Variants in TCERG1L observed in about 807,000 individuals in gnomAD.
The protein encoded by TCERG1L is transcription elongation regulator 1-like protein.
A neutral mutation model predicts 56.3 loss-of-function variants in TCERG1L; 37 were observed. That is an observed-to-expected ratio of 0.66 (90% CI 0.51 to 0.87). The LOEUF is 0.87. Ranked by LOEUF, TCERG1L falls within the 40% of genes least tolerant of loss-of-function variation. The probability of loss-of-function intolerance (pLI) is 0.00; values close to 1 mark genes in which losing one functional copy is unlikely to be tolerated. For missense variants in TCERG1L, 799 were observed against 774.2 expected (o/e 1.03, Z -0.38); for synonymous variants, 324 against 326.3 (o/e 0.99, Z 0.08).
intron 4 of TCERG1L, among the ~76,000 whole-genome samples, chr10:131,199,295 A>C (rs539060938): frequency 1.3e-5 from 2 of 152,306 alleles, no homozygotes; most frequent in African/African-American, 4.8e-5. Flanking sequence ...AGGATGTTCC[A>C]ACTTTAAGCT....
chr10:131,166,867 C>T lies in TCERG1L; in HGVS notation c.875G>A (p.Gly292Asp), dbSNP rs1248446362. Residue 292 changes from glycine to aspartate, a missense_variant, in exon 5 of 12, where the codon GGC (glycine) becomes GAC (aspartate). Gly to Asp is a moderately conservative substitution (Grantham distance 94, BLOSUM62 -1). Coordinates refer to ENST00000368642, the MANE Select transcript of TCERG1L (RefSeq NM_174937.4). Reference sequence around the variant, plus strand: ...CAGGGCAGGAGGGCGGGCCACTCGGCCCCGCTCTGTCCTTGTATCTGTTGG... The same window carrying T: ...CAGGGCAGGAGGGCGGGCCACTCGGTCCCGCTCTGTCCTTGTATCTGTTGG... ...SPVSDTRTER[G>D]RVARPPALML... The T allele has an allele frequency of 2.5e-6, 4 of 1,612,718 alleles. No individual in the cohort carries two copies. The highest frequency in any genetic ancestry group is 2.2e-5 in the South Asian group (2 of 91,046).
rs1589726531 is a variant in TCERG1L at position 131,141,208 on chromosome 10, G to A, written c.1189+5298C>T. Among the ~76,000 whole-genome samples the A allele has an allele frequency of 2.0e-5, 3 of 152,274 alleles. 1 individual carries two copies. In the South Asian group the frequency reaches 6.2e-4, roughly 32 times the overall value. ...CACTTGGAAATGCCACACCACGGGT[G>A]CTGTGATCTCTGCAGGGCTTCCCCG... On this transcript the variant is annotated intron_variant, in intron 7 of 11. Transcript: ENST00000368642.
At chr10:131,219,430 G>A (rs1033268465) in intron 4 of TCERG1L, among the ~76,000 whole-genome samples, 8 of 152,226 alleles carry the variant, frequency 5.3e-5, no homozygotes, top group African/African-American at 1.9e-4. Context: ...CCCAGGCCAG[G>A]AGCAGGCTCT....
intron 3 of TCERG1L, among the ~76,000 whole-genome samples, chr10:131,298,998 T>C (rs1007705539): frequency 6.6e-5 from 10 of 152,334 alleles, no homozygotes; most frequent in African/African-American, 2.4e-4. Flanking sequence ...GTTTCTGTGT[T>C]TTCAATTGTG....
chr10:131,227,557 T>C (rs2133504864), intron 4 of TCERG1L, among the ~76,000 whole-genome samples: 1 of 152,246 alleles, frequency 6.6e-6, no homozygotes, highest in South Asian at 2.1e-4. Flanking sequence ...CCCACTCAGA[T>C]CCCGGAAAGG....
chr10:131,112,643 G>C lies in TCERG1L; in HGVS notation c.1395+4156C>G, dbSNP rs755079471. Among the ~76,000 whole-genome samples, 18 of 142,046 alleles carry C rather than the reference G, an allele frequency of 1.3e-4. 5 individuals carry two copies. Among genetic ancestry groups the C allele is most frequent in the Admixed American group, 6.2e-4 (9 of 14,406 alleles). 93.2% of individuals were successfully genotyped at this position (142,046 alleles called of 152,430 possible). A position where few individuals can be genotyped will look rare whatever the true frequency, so the allele number is the denominator to read the frequency against. Reference sequence around the variant, plus strand: ...CGCGGCAGCCCAGGGTGGAATGACCGGGCTTCCACCTCATCCTTGAAGATG... The same window carrying C: ...CGCGGCAGCCCAGGGTGGAATGACCCGGCTTCCACCTCATCCTTGAAGATG... On this transcript the variant is annotated intron_variant, in intron 9 of 11. Coordinates refer to ENST00000368642, the MANE Select transcript of TCERG1L (RefSeq NM_174937.4).
chr10:131,176,823 C>CAAAG (rs1846159581), intron 4 of TCERG1L, among the ~76,000 whole-genome samples: 1 of 3,260 alleles, frequency 3.1e-4, no homozygotes, highest in Non-Finnish European at 6.9e-4. Flanking sequence ...CATGCACACA[C>CAAAG]AGACACGTGT....
rs889554372 is a variant in TCERG1L at position 131,267,175 on chromosome 10, C to T, written c.671-6731G>A. 5.3e-5 allele frequency among the ~76,000 whole-genome samples: 8 copies of T among 152,180 alleles called. No homozygotes were observed. The highest frequency in any genetic ancestry group is 7.2e-5 in the African/African-American group (3 of 41,446). ...GCCAGTGCTGAGTTGCCACCAGCCCCGTCTCAGCCTCCCACCTGCGCTCAT... is the reference window on the plus strand; with the variant it reads ...GCCAGTGCTGAGTTGCCACCAGCCCTGTCTCAGCCTCCCACCTGCGCTCAT... On this transcript the variant is annotated intron_variant, in intron 3 of 11. Coordinates refer to ENST00000368642, the MANE Select transcript of TCERG1L (RefSeq NM_174937.4). This position sits in a 1 kb window ranked among gnomAD's most constrained non-coding sequence, Gnocchi z 4.9.
chr10:131,278,532 A>G lies in TCERG1L; in HGVS notation c.671-18088T>C, dbSNP rs140323024. ...TTTTTTTTGTATTGTTAGTAGAGACAGGGTTTCACCATGTTGGGCAGCTTG... is the reference window on the plus strand; with the variant it reads ...TTTTTTTTGTATTGTTAGTAGAGACGGGGTTTCACCATGTTGGGCAGCTTG... On this transcript the variant is annotated intron_variant, in intron 3 of 11. Transcript: ENST00000368642. Among the ~76,000 whole-genome samples, 464 of 151,204 alleles carry G rather than the reference A, an allele frequency of 3.1e-3. 1 individual carries two copies. The highest frequency in any genetic ancestry group is 0.01 in the African/African-American group (430 of 41,110).
At chr10:131,094,346 C>T (rs953319823) in intron 11 of TCERG1L, among the ~76,000 whole-genome samples, 1 of 152,204 alleles carries the variant, frequency 6.6e-6, no homozygotes, top group Admixed American at 6.5e-5. Context: ...TCTTCTTATT[C>T]CCTCCCACTT....
intron 10 of TCERG1L, among the ~76,000 whole-genome samples, chr10:131,100,382 T>G (rs1480818125): frequency 6.6e-6 from 1 of 151,622 alleles, no homozygotes; most frequent in Non-Finnish European, 1.5e-5. Flanking sequence ...TCTCTCTCTC[T>G]GCCTAGAACC....
chr10:131,258,932 A>T (rs1471991254), intron 4 of TCERG1L, among the ~76,000 whole-genome samples: 1 of 152,242 alleles, frequency 6.6e-6, no homozygotes, highest in Non-Finnish European at 1.5e-5. Context: ...ATGTCAATGT[A>T]CTAGTAGGTT....
chr10:131,108,092 C>T (rs1321656702), intron 9 of TCERG1L, among the ~76,000 whole-genome samples: 7 of 152,088 alleles, frequency 4.6e-5, no homozygotes, highest in Non-Finnish European at 1.0e-4. Context: ...CTTTTAAGTC[C>T]GTCTATGTCG....
At chr10:131,215,352 A>G (rs1845659424) in intron 4 of TCERG1L, among the ~76,000 whole-genome samples, 1 of 152,240 alleles carries the variant, frequency 6.6e-6, no homozygotes, top group South Asian at 2.1e-4. Context: ...CCACTAGGTA[A>G]ACATATCAAC....
chr10:131,260,273 G>A lies in TCERG1L; in HGVS notation c.842C>T (p.Thr281Met), dbSNP rs113694124. 2.4e-5 allele frequency: 33 copies of A among 1,375,184 alleles called. No individual in the cohort carries two copies. Among genetic ancestry groups the A allele is most frequent in the African/African-American group, 1.3e-4 (9 of 66,734 alleles). The allele number at this position is 1,375,184 out of a possible 1,614,324, so 85.2% of individuals were successfully genotyped here. ...TCCGAGCCTACCTGAGACGGGGGACGTCCGGAGGGGTATTTTGATGGGTGC... is the reference window on the plus strand; with the variant it reads ...TCCGAGCCTACCTGAGACGGGGGACATCCGGAGGGGTATTTTGATGGGTGC... ...TLAPIKIPLRTSPVSDTRTER... is the reference protein window; with the variant it reads ...TLAPIKIPLRMSPVSDTRTER... The change falls in exon 4 of 12, where the codon ACG becomes ATG. Residue 281 changes from threonine (T) to methionine (M), a missense_variant. Physicochemically the swap from Thr to Met is moderately conservative, Grantham distance 81. Transcript: ENST00000368642. The surrounding 1 kb of genome is among the most constrained non-coding windows in gnomAD (Gnocchi z 5.8).
At chr10:131,186,913 G>A in intron 4 of TCERG1L, among the ~76,000 whole-genome samples, 1 of 152,224 alleles carries the variant, frequency 6.6e-6, no homozygotes, top group East Asian at 1.9e-4. Flanking sequence ...AATAATGGAA[G>A]GTGATATCAA....
At chr10:131,140,999 TGA>T (rs1457746144) in intron 7 of TCERG1L, among the ~76,000 whole-genome samples, 2 of 152,138 alleles carry the variant, frequency 1.3e-5, no homozygotes, top group East Asian at 3.9e-4. Flanking sequence ...ATCCTGCTTA[TGA>T]GAGAAATTTG....
At chr10:131,148,409 GACACACATGCACACAGAGAC>G (rs1340538552) in intron 6 of TCERG1L, among the ~76,000 whole-genome samples, 1 of 150,222 alleles carries the variant, frequency 6.7e-6, no homozygotes. Flanking sequence ...GATATACAGA[GACACACATGCACACAGAGAC>G]ACACACATGC....
chr10:131,298,558 C>T (rs577382737), intron 3 of TCERG1L, among the ~76,000 whole-genome samples: 1 of 152,244 alleles, frequency 6.6e-6, no homozygotes, highest in Admixed American at 6.5e-5. Flanking sequence ...GTACTACAGG[C>T]ACATGCCACC....
Sources: allele counts gnomAD v4.1 joint callset (sites outside exome capture counted in the v4.1 genomes callset), GRCh38; gene constraint gnomAD v4.1.1; non-coding constraint Gnocchi (gnomAD v3.1); transcripts MANE v1.5; gene names NCBI Gene and HGNC (gene_info 2026-07-23, HGNC 2026-07-21).